ZNF277: variants seen among roughly 807,000 people sequenced by gnomAD.
ZNF277 encodes zinc finger protein 277.
Under a neutral mutation model 60.7 loss-of-function variants are expected in ZNF277, and 55 were observed. The observed-to-expected ratio is 0.91, with a 90% CI of 0.73 to 1.13. The LOEUF is 1.13. ZNF277 is among the 50% of genes most tolerant of loss of function. ZNF277 has a pLI of 0.00. For missense variants in ZNF277, 510 were observed against 523.0 expected, an observed-to-expected ratio of 0.98 and a Z score of 0.24; for synonymous variants, 178 against 179.3, an observed-to-expected ratio of 0.99 and a Z score of 0.06.
intron 1 of ZNF277, among the ~76,000 whole-genome samples, chr7:112,245,723 C>T (rs1791068001): frequency 6.6e-6 from 1 of 152,142 alleles, no homozygotes; most frequent in Non-Finnish European, 1.5e-5. Flanking sequence ...ATGTGTGTGT[C>T]TCTGTGTCCA....
At chr7:112,263,799 A>AT (rs1791487711) in intron 1 of ZNF277, among the ~76,000 whole-genome samples, 1 of 152,122 alleles carries the variant, frequency 6.6e-6, no homozygotes, top group African/African-American at 2.4e-5. Context: ...TGAGCATCAC[A>AT]TATCTCTGTG....
At chr7:112,217,271 A>C (rs985552265) in intron 1 of ZNF277, among the ~76,000 whole-genome samples, 4 of 152,238 alleles carry the variant, frequency 2.6e-5, no homozygotes, top group African/African-American at 9.6e-5. Context: ...TTGGACATGC[A>C]GAAACAAGGA....
At chr7:112,328,794 C>A (rs1369017181) in intron 6 of ZNF277, among the ~76,000 whole-genome samples, 1 of 152,058 alleles carries the variant, frequency 6.6e-6, no homozygotes, top group Non-Finnish European at 1.5e-5. Context: ...CGCTTGAACC[C>A]GGGAGGCACA....
intron 1 of ZNF277, among the ~76,000 whole-genome samples, chr7:112,209,098 T>C (rs1010735405): frequency 1.3e-5 from 2 of 150,938 alleles, no homozygotes; most frequent in Admixed American, 1.3e-4. Flanking sequence ...ATTTGTTTCC[T>C]TTTTTTTTAA....
intron 1 of ZNF277, among the ~76,000 whole-genome samples, chr7:112,227,191 G>A (rs750106256): frequency 3.6e-4 from 55 of 152,168 alleles, no homozygotes; most frequent in Non-Finnish European, 7.2e-4. Context: ...TGATCCTTGC[G>A]TGAAATTAGT....
chr7:112,284,140 TG>T (rs1379173061), intron 1 of ZNF277, among the ~76,000 whole-genome samples: 1 of 152,204 alleles, frequency 6.6e-6, no homozygotes, highest in African/African-American at 2.4e-5. Flanking sequence ...GTAGTACTAC[TG>T]AATAAGATAG....
intron 5 of ZNF277, among the ~76,000 whole-genome samples, chr7:112,323,573 T>C (rs567240562): frequency 1.3e-5 from 2 of 152,174 alleles, no homozygotes; most frequent in Admixed American, 6.5e-5. Flanking sequence ...AAGGCTATTG[T>C]GGAGCTAAGG....
intron 1 of ZNF277, among the ~76,000 whole-genome samples, chr7:112,245,156 A>G (rs1791054814): frequency 1.3e-5 from 2 of 151,696 alleles, no homozygotes; most frequent in South Asian, 2.1e-4. Flanking sequence ...CTTACTGACT[A>G]CTCTTCTCCT....
intron 1 of ZNF277, among the ~76,000 whole-genome samples, chr7:112,212,782 A>G (rs1376040062): frequency 6.6e-6 from 1 of 152,154 alleles, no homozygotes; most frequent in Non-Finnish European, 1.5e-5. Context: ...TACTAGTATT[A>G]CAACTATGTG....
At chr7:112,296,050 C>A in intron 3 of ZNF277, 93 bp downstream of exon 3, 2 of 1,122,432 alleles carry the variant, frequency 1.8e-6, no homozygotes, top group Non-Finnish European at 2.6e-6. Flanking sequence ...CTTTTACTTT[C>A]ATGATAGATA....
intron 7 of ZNF277, 21 bp from the exon 8 acceptor site, chr7:112,336,083 C>T: frequency 6.2e-7 from 1 of 1,601,818 alleles, no homozygotes; most frequent in Admixed American, 1.7e-5. Flanking sequence ...TGTCTCTCAT[C>T]CCTCTGTTCT....
rs763085644 is a variant in ZNF277, at chr7:112,330,095, T to C, written c.680T>C (p.Leu227Ser). The C allele has an allele frequency of 6.2e-7, 1 of 1,613,266 alleles. No individual in the cohort carries two copies. Among genetic ancestry groups the C allele is most frequent in the South Asian group, 1.1e-5 (1 of 90,944 alleles). The change falls in exon 7 of 12, where the codon TTG (leucine) becomes TCG (serine). Residue 227 changes from leucine to serine, a missense_variant. Physicochemically the swap from Leu to Ser is moderately radical, Grantham distance 145. Coordinates refer to ENST00000361822, the MANE Select transcript of ZNF277 (RefSeq NM_021994.3). ...LQKKLDNLQC[L>S]YCEKTFRDKN... The stretch of plus-strand genomic sequence containing the variant: ...TGTATTTCTTGTAGTTTGCAGTGCT[T>C]GTACTGTGAGAAGACCTTCAGGGAC...
chr7:112,332,678 A>T (rs1584418461), intron 7 of ZNF277, among the ~76,000 whole-genome samples: 1 of 152,114 alleles, frequency 6.6e-6, no homozygotes, highest in South Asian at 2.1e-4. Flanking sequence ...CCTATTTTCT[A>T]TTCCCTATTC....
At chr7:112,218,558 A>G (rs1028761714) in intron 1 of ZNF277, among the ~76,000 whole-genome samples, 2 of 152,200 alleles carry the variant, frequency 1.3e-5, no homozygotes, top group Non-Finnish European at 2.9e-5. Flanking sequence ...GTTGTACAGC[A>G]GATCTCCTGA....
intron 6 of ZNF277, among the ~76,000 whole-genome samples, chr7:112,329,696 T>A (rs752321605): frequency 2.6e-5 from 4 of 152,148 alleles, no homozygotes; most frequent in Non-Finnish European, 5.9e-5. Flanking sequence ...TCACAGGATA[T>A]CCCAAACCAT....
At chr7:112,340,369 A>G (rs538066071) in intron 10 of ZNF277, among the ~76,000 whole-genome samples, 1 of 152,214 alleles carries the variant, frequency 6.6e-6, no homozygotes. Flanking sequence ...TATCACAACA[A>G]TAGAACGATT....
At chr7:112,334,402 C>G (rs1196468375) in intron 7 of ZNF277, among the ~76,000 whole-genome samples, 2 of 121,166 alleles carry the variant, frequency 1.7e-5, no homozygotes, top group Non-Finnish European at 3.6e-5. Flanking sequence ...GAGTTATGTG[C>G]TTTTTTTTTT....
intron 1 of ZNF277, among the ~76,000 whole-genome samples, chr7:112,261,373 T>G (rs1353536402): frequency 6.6e-6 from 1 of 152,200 alleles, no homozygotes; most frequent in African/African-American, 2.4e-5. Context: ...CAGAAATAAA[T>G]TTGCTACATC....
intron 5 of ZNF277, among the ~76,000 whole-genome samples, chr7:112,320,319 C>T (rs1175908899): frequency 1.3e-5 from 2 of 152,082 alleles, no homozygotes; most frequent in Admixed American, 6.6e-5. Flanking sequence ...AGTAAATGCA[C>T]ATTTTTTTAA....
Sources: gnomAD v4.1 joint callset for allele counts (sites outside exome capture counted in the v4.1 genomes callset) on GRCh38, gnomAD v4.1.1 for gene constraint, MANE v1.5 for transcripts, NCBI Gene and HGNC (gene_info 2026-07-23, HGNC 2026-07-21) for gene names.